Variants in POU2F2 observed in about 807,000 individuals in gnomAD.
The protein encoded by POU2F2 is POU class 2 homeobox 2.
Under a neutral mutation model 63.5 loss-of-function variants are expected in POU2F2, and 14 were observed. That is an observed-to-expected ratio of 0.22 (90% CI 0.15 to 0.34). The LOEUF (loss-of-function observed/expected upper bound fraction) is 0.34, where lower values mean the gene tolerates loss of function less well. Ranked by LOEUF, POU2F2 falls within the 10% of genes least tolerant of loss-of-function variation. POU2F2 has a pLI of 1.00. For synonymous variants in POU2F2, 306 were observed against 348.6 expected (o/e 0.88, Z 1.36); for missense variants, 607 against 815.2 (o/e 0.74, Z 3.11).
At chr19:42,179,640 T>C (rs1177614657), upstream of POU2F2, among the ~76,000 whole-genome samples, 5 of 152,060 alleles carry the variant, frequency 3.3e-5, no homozygotes, top group African/African-American at 1.2e-4. Flanking sequence ...ACCCCATGCA[T>C]ACTGAGTGGA....
chr19:42,189,049 A>C (rs2035048455), intron 1 of POU2F2, among the ~76,000 whole-genome samples: 3 of 152,200 alleles, frequency 2.0e-5, no homozygotes, highest in Admixed American at 2.0e-4. Flanking sequence ...ATAAAGATGA[A>C]AAATGTACTT....
intron 5 of POU2F2, among the ~76,000 whole-genome samples, chr19:42,101,792 A>G (rs1243690958): frequency 6.6e-6 from 1 of 151,952 alleles, no homozygotes; most frequent in Non-Finnish European, 1.5e-5. Flanking sequence ...CCTGGCCAAC[A>G]TAGTGGAACC....
chr19:42,187,828 G>A (rs189563818), intron 1 of POU2F2, among the ~76,000 whole-genome samples: 1 of 151,370 alleles, frequency 6.6e-6, no homozygotes, highest in East Asian at 1.9e-4. Flanking sequence ...AGAAGAAGCT[G>A]TCAGGGAGAA....
chr19:42,126,674 G>A (rs536037028), intron 1 of POU2F2, among the ~76,000 whole-genome samples: 1 of 152,206 alleles, frequency 6.6e-6, no homozygotes, highest in South Asian at 2.1e-4. Flanking sequence ...GGAAGCCCTA[G>A]CAAACTAAGC....
intron 1 of POU2F2, among the ~76,000 whole-genome samples, chr19:42,190,926 G>A (rs1013426636): frequency 5.9e-5 from 9 of 151,992 alleles, no homozygotes; most frequent in Admixed American, 2.6e-4. Context: ...TGAAAAAATG[G>A]GGAATCAGTG....
Position 42,091,338 on chromosome 19 carries a change from G to GGAGGAT in POU2F2, c.1788_1793dup (p.Ser600_Ser601dup), listed in dbSNP as rs751827611. On this transcript the variant is annotated inframe_insertion, in exon 15 of 15. Coordinates refer to ENST00000692977, the MANE Select transcript of POU2F2 (RefSeq NM_001394376.1). ...CCGTCTCGCTGCAAGTGGAGGAGGA[G>GGAGGAT]GAGGATGAGGATGAAGAGGATGAGG... 2.9e-5 allele frequency: 45 copies of GGAGGAT among 1,536,072 alleles called. No homozygotes were observed. The African/African-American group carries it at 4.1e-4, about 14-fold the overall frequency.
intron 1 of POU2F2, among the ~76,000 whole-genome samples, chr19:42,130,944 T>C (rs1229497990): frequency 1.7e-5 from 1 of 57,890 alleles, no homozygotes; most frequent in East Asian, 5.4e-4. Flanking sequence ...CCAACCCCTC[T>C]ACCTATGTCC....
intron 1 of POU2F2, among the ~76,000 whole-genome samples, chr19:42,182,219 G>C (rs771068292): frequency 6.6e-6 from 1 of 150,388 alleles, no homozygotes; most frequent in African/African-American, 2.5e-5. Flanking sequence ...TGCCCTGGGC[G>C]ATAGAGCAAG....
intron 2 of POU2F2, among the ~76,000 whole-genome samples, chr19:42,144,253 T>A (rs1204982167): frequency 6.6e-6 from 1 of 152,236 alleles, no homozygotes; most frequent in Non-Finnish European, 1.5e-5. Context: ...GTGTCTGTCC[T>A]CTTCACTGCT....
In POU2F2 at chr19:42,095,492, C is replaced by G. The variant is rs752551638; in HGVS notation, c.1021-30G>C. 1 of 1,606,294 alleles carries G rather than the reference C, an allele frequency of 6.2e-7. No homozygotes were observed. Among genetic ancestry groups the G allele is most frequent in the African/African-American group, 1.3e-5 (1 of 74,772 alleles). On this transcript the variant is annotated intron_variant, in intron 10 of 14. Transcript: ENST00000692977. The surrounding 1 kb of genome is among the most constrained non-coding windows in gnomAD (Gnocchi z 7.1). Reference sequence around the variant, plus strand: ...AGGCAGAGGGCTCGTTAGCCCGAGGCCCACCGCCCGCCACCCCTCAGGTGA... The same window carrying G: ...AGGCAGAGGGCTCGTTAGCCCGAGGGCCACCGCCCGCCACCCCTCAGGTGA...
intron 5 of POU2F2, among the ~76,000 whole-genome samples, chr19:42,114,746 G>A (rs2031623575): frequency 6.6e-6 from 1 of 152,220 alleles, no homozygotes; most frequent in African/African-American, 2.4e-5. Flanking sequence ...CAGCTGTGGG[G>A]AGGATTCATG....
rs1212296259 is a variant in POU2F2 at position 42,152,986 on chromosome 19, G to A, written c.-9+7346C>T. 6.6e-6 allele frequency among the ~76,000 whole-genome samples: 1 copy of A among 152,164 alleles called. No individual in the cohort carries two copies. ...GTAGGCTACGGTGAATGGACACAAA[G>A]AACAGTGGGGCGAACCCTCAGGCCG... On this transcript the variant is annotated intron_variant, in intron 2 of 6. Transcript: ENST00000524801. The surrounding 1 kb of genome is among the most constrained non-coding windows in gnomAD (Gnocchi z 4.1).
chr19:42,102,685 GA>G (rs956218602), intron 5 of POU2F2, among the ~76,000 whole-genome samples: 76 of 150,150 alleles, frequency 5.1e-4, no homozygotes, highest in African/African-American at 1.2e-3. Context: ...AGAGGGAGGG[GA>G]AAAAAAATCC....
intron 5 of POU2F2, among the ~76,000 whole-genome samples, chr19:42,102,446 T>C (rs1182028199): frequency 6.6e-6 from 1 of 152,142 alleles, no homozygotes; most frequent in Non-Finnish European, 1.5e-5. Flanking sequence ...ATATGCATTA[T>C]ATTTTAATAA....
At chr19:42,122,648 C>T (rs1568390401) in intron 1 of POU2F2, 72 bp from the exon 2 acceptor site, 1 of 1,341,192 alleles carries the variant, frequency 7.5e-7, no homozygotes, top group African/African-American at 1.5e-5. Flanking sequence ...CCCCATTCCA[C>T]CACACTCCCC....
rs560934001 is a variant in POU2F2, at chr19:42,099,834, G to T, written c.370-13C>A. 35 of 1,550,118 alleles carry T rather than the reference G, an allele frequency of 2.3e-5. No individual in the cohort carries two copies. The African/African-American group carries it at 4.6e-4, about 21-fold the overall frequency. On this transcript the variant is annotated splice_polypyrimidine_tract_variant and intron_variant, in intron 5 of 14. Coordinates refer to ENST00000692977, the MANE Select transcript of POU2F2 (RefSeq NM_001394376.1). ...GCTGCTGTATGTCCTGGCAGGGAGT[G>T]GGGTGGACAGAAAGATAGCCTGAGT...
chr19:42,156,257 A>G lies in POU2F2; in HGVS notation c.-9+4075T>C, dbSNP rs34221728. 7.9e-3 allele frequency: 1,202 copies of G among 152,200 alleles called. 14 individuals are homozygous for G. Among genetic ancestry groups the G allele is most frequent in the Non-Finnish European group, 9.2e-3 (623 of 67,966 alleles). The allele number at this position is 152,200 out of a possible 1,614,324, so 9.4% of individuals were successfully genotyped here. ...CCGAACTGGCTCAGAGATGCAAGCC[A>G]TTTTTACCTCCTACACATCTATAAT... On this transcript the variant is annotated intron_variant, in intron 2 of 6. Transcript: ENST00000524801. The surrounding 1 kb of genome is among the most constrained non-coding windows in gnomAD (Gnocchi z 4.1).
intron 1 of POU2F2, among the ~76,000 whole-genome samples, chr19:42,195,067 GAGGA>G (rs1476932611): frequency 7.2e-5 from 1 of 13,982 alleles, no homozygotes; most frequent in Non-Finnish European, 1.5e-4. Context: ...GGGAGGGAGG[GAGGA>G]AGGAAGGGAG....
In POU2F2 at chr19:42,169,333, C is replaced by T. The variant is rs1210582059; in HGVS notation, c.-70+6630G>A. Among the ~76,000 whole-genome samples the T allele has an allele frequency of 2.6e-5, 4 of 152,180 alleles. No homozygotes were observed. The highest frequency in any genetic ancestry group is 2.6e-4 in the Admixed American group (4 of 15,282). On this transcript the variant is annotated intron_variant, in intron 1 of 6. Coordinates refer to the POU2F2 transcript ENST00000524801. The surrounding 1 kb of genome is among the most constrained non-coding windows in gnomAD (Gnocchi z 4.3). ...CATTTTCTATTGAAAAACAAATCTC[C>T]ACACGAGGAGCACCCTGGTGTTTTG...
Sources: gnomAD v4.1 joint callset for allele counts (sites outside exome capture counted in the v4.1 genomes callset) on GRCh38, gnomAD v4.1.1 for gene constraint, Gnocchi (gnomAD v3.1) non-coding constraint, MANE v1.5 for transcripts, NCBI Gene and HGNC (gene_info 2026-07-23, HGNC 2026-07-21) for gene names.